BEND7: variants seen among roughly 807,000 people sequenced by gnomAD.
BEND7 encodes the protein BEN domain-containing protein 7.
A neutral mutation model predicts 50.9 loss-of-function variants in BEND7; 28 were observed. The ratio of observed to expected loss-of-function variants is 0.55; its 90% CI spans 0.41 to 0.75. The LOEUF is 0.75. BEND7 is among the 30% of genes least tolerant of loss of function. BEND7 has a pLI of 0.00. For synonymous variants in BEND7, 170 were observed against 183.9 expected (o/e 0.92, Z 0.61); for missense variants, 477 against 491.3 (o/e 0.97, Z 0.28).
At chr10:13,517,987 T>C (rs932836272) in intron 2 of BEND7, among the ~76,000 whole-genome samples, 4 of 152,246 alleles carry the variant, frequency 2.6e-5, no homozygotes, top group African/African-American at 9.6e-5. Context: ...AACTATGAGA[T>C]GCAAAACACA....
intron 2 of BEND7, among the ~76,000 whole-genome samples, chr10:13,518,963 T>A (rs1467754873): frequency 6.6e-6 from 1 of 152,204 alleles, no homozygotes; most frequent in Non-Finnish European, 1.5e-5. Context: ...ACATTTGCCC[T>A]CTAGGATCTG....
chr10:13,511,716 G>A (rs1444195456), intron 2 of BEND7, among the ~76,000 whole-genome samples: 3 of 151,956 alleles, frequency 2.0e-5, no homozygotes, highest in African/African-American at 7.2e-5. Context: ...CACTTACAGA[G>A]CACTTAGTAT....
At chr10:13,474,205 G>T (rs887088857) in intron 6 of BEND7, among the ~76,000 whole-genome samples, 1 of 151,568 alleles carries the variant, frequency 6.6e-6, no homozygotes, top group East Asian at 2.0e-4. Context: ...ATCGCTGTTA[G>T]ACTCGGGGCC....
chr10:13,441,481 T>C lies in BEND7; in HGVS notation c.*262A>G, dbSNP rs1835318847. ...TGGGTTGAACAAGCTCCACCCGTCC[T>C]CAAGTGCTGAACACCCCAAGCTGTG... On this transcript the variant is annotated 3_prime_UTR_variant, in exon 9 of 9. Coordinates refer to ENST00000466271, the MANE Select transcript of BEND7 (RefSeq NM_001369863.1). 6.8e-6 allele frequency: 9 copies of C among 1,332,138 alleles called. No individual in the cohort carries two copies. The highest frequency in any genetic ancestry group is 2.8e-5 in the East Asian group (1 of 35,332). The allele number at this position is 1,332,138 out of a possible 1,614,324, so 82.5% of individuals were successfully genotyped here.
intron 7 of BEND7, among the ~76,000 whole-genome samples, chr10:13,447,776 C>T (rs35984835): frequency 0.014 from 2,073 of 152,214 alleles, 19 homozygotes; most frequent in Non-Finnish European, 0.021. Flanking sequence ...CTCTCCTGAC[C>T]TCATGATATT....
intron 6 of BEND7, 97 bp downstream of exon 6, chr10:13,480,802 T>C (rs1016554875): frequency 6.7e-5 from 103 of 1,546,664 alleles, no homozygotes; most frequent in Middle Eastern, 1.7e-4. Flanking sequence ...CAAATGAAAC[T>C]GGCCACTAGT....
intron 2 of BEND7, among the ~76,000 whole-genome samples, chr10:13,523,557 A>C (rs2132728113): frequency 6.6e-6 from 1 of 152,360 alleles, no homozygotes; most frequent in African/African-American, 2.4e-5. Flanking sequence ...ACAGTGTGTC[A>C]GTACTTTGTT....
At position 13,458,259 on chromosome 10, in the gene BEND7, A is replaced by T. The variant is rs569373997; in HGVS notation, c.1064-5601T>A. Among the ~76,000 whole-genome samples, 4 of 152,332 alleles carry T rather than the reference A, an allele frequency of 2.6e-5. No individual in the cohort carries two copies. In the South Asian group the frequency reaches 8.3e-4, roughly 32 times the overall value. ...CCCTTCCTTCAGAATGCTGCTCCTC[A>T]TGTAATCATCATCAAGTGAAGGCGG... is the stretch of plus-strand genomic sequence containing the variant. On this transcript the variant is annotated intron_variant, in intron 6 of 8. Transcript: ENST00000466271.
At chr10:13,474,262 C>T (rs572351238) in intron 6 of BEND7, among the ~76,000 whole-genome samples, 15 of 147,092 alleles carry the variant, frequency 1.0e-4, no homozygotes, top group Middle Eastern at 7.9e-3. Flanking sequence ...CCATCATCGC[C>T]GTTGGACTCG....
At chr10:13,489,086 C>T (rs1218575585) in intron 5 of BEND7, among the ~76,000 whole-genome samples, 1 of 152,164 alleles carries the variant, frequency 6.6e-6, no homozygotes, top group Non-Finnish European at 1.5e-5. Context: ...AGGCCTTGTT[C>T]TAAGTGCTCC....
At chr10:13,521,651 G>T (rs2132686057) in intron 2 of BEND7, among the ~76,000 whole-genome samples, 1 of 152,244 alleles carries the variant, frequency 6.6e-6, no homozygotes, top group South Asian at 2.1e-4. Flanking sequence ...TTTCCCCCTT[G>T]GCCCTTCATT....
At chr10:13,474,746 C>T (rs1299809919) in intron 6 of BEND7, among the ~76,000 whole-genome samples, 12 of 152,178 alleles carry the variant, frequency 7.9e-5, no homozygotes, top group South Asian at 4.1e-4. Flanking sequence ...TACCCATCAT[C>T]GCTGTTAGAC....
intron 2 of BEND7, among the ~76,000 whole-genome samples, chr10:13,510,889 A>G (rs1426561487): frequency 6.6e-6 from 1 of 152,058 alleles, no homozygotes; most frequent in African/African-American, 2.4e-5. Context: ...AAAACAAACT[A>G]GTCAAGGGCC....
At chr10:13,481,394 A>T (rs2075847705) in intron 5 of BEND7, among the ~76,000 whole-genome samples, 1 of 152,196 alleles carries the variant, frequency 6.6e-6, no homozygotes, top group Non-Finnish European at 1.5e-5. Context: ...CAACCACAAA[A>T]TCCTATCATT....
At chr10:13,510,231 T>C (rs955456586) in intron 2 of BEND7, among the ~76,000 whole-genome samples, 3 of 152,244 alleles carry the variant, frequency 2.0e-5, no homozygotes, top group African/African-American at 7.2e-5. Flanking sequence ...TTAAGTATCT[T>C]ATCTCCCTAA....
intron 2 of BEND7, among the ~76,000 whole-genome samples, chr10:13,505,687 G>A (rs1366122657): frequency 6.6e-6 from 1 of 152,182 alleles, no homozygotes; most frequent in Non-Finnish European, 1.5e-5. Flanking sequence ...CCGGGCCTCT[G>A]GTGGCTGCTG....
chr10:13,509,020 G>A (rs562706974), intron 2 of BEND7, among the ~76,000 whole-genome samples: 1 of 152,326 alleles, frequency 6.6e-6, no homozygotes, highest in African/African-American at 2.4e-5. Flanking sequence ...AAGCCAAAAA[G>A]GCACAAAGGG....
intron 2 of BEND7, among the ~76,000 whole-genome samples, chr10:13,518,286 A>AGCAGGCTGCAGGCT (rs146686555): frequency 3.3e-5 from 5 of 151,938 alleles, no homozygotes; most frequent in Non-Finnish European, 5.9e-5. Context: ...GGCCGTGGCG[A>AGCAGGCTGCAGGCT]GCAGGCTGCA....
intron 2 of BEND7, among the ~76,000 whole-genome samples, chr10:13,502,221 T>G (rs974846771): frequency 6.6e-6 from 1 of 152,190 alleles, no homozygotes; most frequent in Non-Finnish European, 1.5e-5. Flanking sequence ...GGAAGTTTAT[T>G]TTGAATTTAC....
Sources: allele counts gnomAD v4.1 joint callset (sites outside exome capture counted in the v4.1 genomes callset), GRCh38; gene constraint gnomAD v4.1.1; transcripts MANE v1.5; gene names NCBI Gene and HGNC (gene_info 2026-07-23, HGNC 2026-07-21).